RNF128: variants seen among roughly 807,000 people sequenced by gnomAD.
RNF128 encodes E3 ubiquitin-protein ligase RNF128.
A neutral mutation model predicts 26.2 loss-of-function variants in RNF128; 13 were observed. That is an observed-to-expected ratio of 0.50 (90% CI 0.32 to 0.79). RNF128 has a LOEUF of 0.79. Among genes scored for constraint, RNF128 ranks in the 30% least tolerant of loss-of-function variants. The pLI, the probability that RNF128 is intolerant of heterozygous loss-of-function variation, is 0.03. For synonymous variants in RNF128, 149 were observed against 142.5 expected (o/e 1.05, Z -0.32); for missense variants, 315 against 349.7 (o/e 0.90, Z 0.79).
intron 1 of RNF128, among the ~76,000 whole-genome samples, chrX:106,702,383 A>T (rs1407744750): frequency 9.0e-6 from 1 of 111,417 alleles, no homozygotes; most frequent in African/African-American, 3.3e-5. Context: ...TTATGTTATG[A>T]TTTGCTGCTC....
chrX:106,723,791 C>T (rs961432185), upstream of RNF128, among the ~76,000 whole-genome samples: 4 of 110,634 alleles, frequency 3.6e-5, no homozygotes, highest in Non-Finnish European at 7.5e-5. Context: ...TGGGTCACTC[C>T]ATTTGTACTT....
intron 1 of RNF128, among the ~76,000 whole-genome samples, chrX:106,770,980 G>A (rs1930359471): frequency 1.8e-5 from 2 of 112,294 alleles, no homozygotes; most frequent in African/African-American, 3.2e-5. Context: ...TAACAGTCAG[G>A]ACCCTCAGCT....
At chrX:106,746,852 C>G (rs1203982521) in intron 1 of RNF128, among the ~76,000 whole-genome samples, 1 of 111,558 alleles carries the variant, frequency 9.0e-6, no homozygotes, top group Non-Finnish European at 1.9e-5. Flanking sequence ...GCATGAAACT[C>G]TAGCCATGTC....
rs778138133 is a variant in RNF128 at position 106,766,119 on chromosome X, A to T, written c.485-6794A>T. On this transcript the variant is annotated intron_variant, in intron 1 of 6. Transcript: ENST00000255499. The stretch of plus-strand genomic sequence containing the variant: ...TTTTCTTAATCCAGTCTATTATTGA[A>T]GGACATTTGGGTTGGTTCCAAGTCT... Among the ~76,000 whole-genome samples the T allele has an allele frequency of 1.3e-4, 15 of 111,877 alleles. No individual in the cohort carries two copies. The South Asian group carries it at 5.3e-3, about 40-fold the overall frequency.
Position 106,774,413 on chromosome X carries a change from C to T in RNF128, c.732+1253C>T, listed in dbSNP as rs184668678. ...TTTTGTATACTCAAGGACATCACTC[C>T]AGAAATTTTCCTCTCTCACTCTCCT... On this transcript the variant is annotated intron_variant, in intron 2 of 6. Coordinates refer to ENST00000255499, the MANE Select transcript of RNF128 (RefSeq NM_194463.2). Among the ~76,000 whole-genome samples the T allele has an allele frequency of 2.9e-3, 326 of 111,587 alleles. 9 individuals carry two copies. In the South Asian group the frequency reaches 0.1, roughly 35 times the overall value.
intron 1 of RNF128, among the ~76,000 whole-genome samples, chrX:106,749,509 G>C (rs1406541210): frequency 8.9e-6 from 1 of 112,035 alleles, no homozygotes; most frequent in Non-Finnish European, 1.9e-5. Context: ...AAGTTTGATT[G>C]TTCTTCCTTG....
In RNF128 at chrX:106,695,129, GT is replaced by G. The variant is rs768259122; in HGVS notation, c.406+724del. Among the ~76,000 whole-genome samples, 52 of 110,890 alleles carry G rather than the reference GT, an allele frequency of 4.7e-4. No individual in the cohort carries two copies. In the East Asian group the frequency reaches 0.014, roughly 29 times the overall value. ...TGGTTTTTATTTATTTAAAAAAACA[GT>G]TTCCAAGTAAATAGATTTTTAAACC... is the stretch of plus-strand genomic sequence containing the variant. On this transcript the variant is annotated intron_variant, in intron 1 of 6. Transcript: ENST00000324342.
At chrX:106,718,527 C>A (rs936838653) in intron 1 of RNF128, among the ~76,000 whole-genome samples, 1 of 109,813 alleles carries the variant, frequency 9.1e-6, no homozygotes, top group Non-Finnish European at 1.9e-5. Context: ...TACCTCCCCC[C>A]ACCCCCCAGC....
chrX:106,748,451 A>G (rs1929823987), intron 1 of RNF128, among the ~76,000 whole-genome samples: 1 of 112,030 alleles, frequency 8.9e-6, no homozygotes, highest in Non-Finnish European at 1.9e-5. Context: ...TTGTTTTCAA[A>G]GATCAATTTT....
At chrX:106,767,606 G>T (rs1930276157) in intron 1 of RNF128, among the ~76,000 whole-genome samples, 1 of 111,845 alleles carries the variant, frequency 8.9e-6, no homozygotes. Flanking sequence ...AGCCTGAGGA[G>T]AATTTGGGCT....
intron 1 of RNF128, among the ~76,000 whole-genome samples, chrX:106,715,903 C>T (rs185719425): frequency 2.7e-5 from 3 of 111,398 alleles, no homozygotes; most frequent in East Asian, 2.8e-4. Context: ...AAAAAGCCTA[C>T]AATGACAGTC....
intron 1 of RNF128, among the ~76,000 whole-genome samples, chrX:106,694,915 C>T (rs980790142): frequency 7.2e-5 from 8 of 110,734 alleles, no homozygotes; most frequent in African/African-American, 2.0e-4. Context: ...AATCTTTTTG[C>T]GGGACTGATA....
At chrX:106,729,058 A>G (rs1242283423) in intron 1 of RNF128, among the ~76,000 whole-genome samples, 1 of 112,088 alleles carries the variant, frequency 8.9e-6, no homozygotes, top group Non-Finnish European at 1.9e-5. Flanking sequence ...ATTCATTTGC[A>G]TGAATGATTT....
intron 1 of RNF128, among the ~76,000 whole-genome samples, chrX:106,697,232 A>G (rs1284147385): frequency 8.9e-6 from 1 of 111,845 alleles, no homozygotes; most frequent in Non-Finnish European, 1.9e-5. Flanking sequence ...GAATAGAGAG[A>G]TATTTGGTAG....
At chrX:106,735,564 T>C (rs1215837882) in intron 1 of RNF128, among the ~76,000 whole-genome samples, 2 of 111,910 alleles carry the variant, frequency 1.8e-5, no homozygotes, top group Non-Finnish European at 3.8e-5. Context: ...GTTTTACTTT[T>C]ATAATCAGAA....
At chrX:106,754,933 A>C (rs1220901849) in intron 1 of RNF128, among the ~76,000 whole-genome samples, 1 of 111,723 alleles carries the variant, frequency 9.0e-6, no homozygotes, top group Non-Finnish European at 1.9e-5. Context: ...TAAAGATCAG[A>C]GCAGAAATAA....
chrX:106,709,793 A>G (rs935671140), intron 1 of RNF128, among the ~76,000 whole-genome samples: 7 of 111,150 alleles, frequency 6.3e-5, no homozygotes, highest in Non-Finnish European at 1.1e-4. Flanking sequence ...TGATCCCACC[A>G]CCTCGGCCTC....
chrX:106,721,992 C>T (rs1350368444), upstream of RNF128, among the ~76,000 whole-genome samples: 3 of 110,949 alleles, frequency 2.7e-5, no homozygotes, highest in Non-Finnish European at 3.8e-5. Flanking sequence ...AGTAGGACTC[C>T]GAGGGAATAT....
At chrX:106,781,733 T>G (rs1377190420) in intron 2 of RNF128, among the ~76,000 whole-genome samples, 1 of 112,394 alleles carries the variant, frequency 8.9e-6, no homozygotes, top group African/African-American at 3.2e-5. Flanking sequence ...TTTAAACACA[T>G]TTTTATTCTA....
Sources: allele counts gnomAD v4.1 joint callset (sites outside exome capture counted in the v4.1 genomes callset), GRCh38; gene constraint gnomAD v4.1.1; transcripts MANE v1.5; gene names NCBI Gene and HGNC (gene_info 2026-07-23, HGNC 2026-07-21).